MTREX: variants seen among roughly 807,000 people sequenced by gnomAD.
The protein encoded by MTREX is Mtr4 exosome RNA helicase.
MTREX carries 76 observed loss-of-function variants against 135.4 expected under a neutral mutation model. The ratio of observed to expected loss-of-function variants is 0.56; its 90% CI spans 0.47 to 0.68. The LOEUF (loss-of-function observed/expected upper bound fraction) is 0.68. Ranked by LOEUF, MTREX falls within the 30% of genes least tolerant of loss-of-function variation. The pLI is 0.00. For synonymous variants in MTREX, 404 were observed against 401.6 expected (o/e 1.01, Z -0.07); for missense variants, 920 against 1,262.1 (o/e 0.73, Z 4.11).
At chr5:55,409,026 A>G (rs1258669144) in intron 22 of MTREX, among the ~76,000 whole-genome samples, 2 of 152,056 alleles carry the variant, frequency 1.3e-5, no homozygotes, top group Non-Finnish European at 1.5e-5. Context: ...ATCATGGCTC[A>G]GTGCAGTCTT....
At chr5:55,328,945 T>A in intron 5 of MTREX, 134 bp downstream of exon 5, 1 of 537,348 alleles carries the variant, frequency 1.9e-6, no homozygotes, top group Non-Finnish European at 3.3e-6. Flanking sequence ...CATGTCTTAT[T>A]GAACCTCTAA....
intron 18 of MTREX, among the ~76,000 whole-genome samples, chr5:55,383,906 A>T (rs1750437170): frequency 6.6e-6 from 1 of 152,130 alleles, no homozygotes; most frequent in Admixed American, 6.5e-5. Flanking sequence ...AGTAGCTGGG[A>T]CTACAGGTGT....
At chr5:55,414,299 A>C in intron 24 of MTREX, 61 bp downstream of exon 24, 2 of 1,290,216 alleles carry the variant, frequency 1.6e-6, no homozygotes. Flanking sequence ...TTGTAAAATA[A>C]ACATTTTTGA....
At chr5:55,420,321 C>T (rs1352835708) in intron 25 of MTREX, among the ~76,000 whole-genome samples, 4 of 152,302 alleles carry the variant, frequency 2.6e-5, no homozygotes, top group Admixed American at 2.6e-4. Context: ...CTGCTGCTTT[C>T]TCTCCTTAAT....
intron 20 of MTREX, among the ~76,000 whole-genome samples, 160 bp downstream of exon 20, chr5:55,397,686 G>C (rs1329256547): frequency 6.6e-6 from 1 of 152,132 alleles, no homozygotes; most frequent in Non-Finnish European, 1.5e-5. Context: ...AAAGGCAGCA[G>C]ACCTTCATGT....
intron 20 of MTREX, 67 bp from the exon 21 acceptor site, chr5:55,400,166 A>T: frequency 8.3e-7 from 1 of 1,211,456 alleles, no homozygotes; most frequent in Non-Finnish European, 1.1e-6. Flanking sequence ...AAAGGGAAAC[A>T]CTGATTTGGT....
In MTREX at chr5:55,425,224, C is replaced by G; in HGVS notation, c.*452C>G. ...CTGCCTTTCAAGGCTGGTGATTGCT[C>G]GGATAGTGATTCCCAGTTGTTGGTG... On this transcript the variant is annotated 3_prime_UTR_variant, in exon 27 of 27. Coordinates refer to ENST00000230640, the MANE Select transcript of MTREX (RefSeq NM_015360.5). 1.2e-6 allele frequency: 2 copies of G among 1,613,592 alleles called. No homozygotes were observed. The highest frequency in any genetic ancestry group is 1.7e-6 in the Non-Finnish European group (2 of 1,179,838).
At chr5:55,403,631 A>G (rs888495206) in intron 21 of MTREX, among the ~76,000 whole-genome samples, 10 of 152,238 alleles carry the variant, frequency 6.6e-5, no homozygotes, top group Non-Finnish European at 1.2e-4. Flanking sequence ...AGGCATCCTC[A>G]GTCACTTCAG....
In MTREX at chr5:55,425,335, C is replaced by T; in HGVS notation, c.*563C>T. ...TGAAGAAATCCGATACATATACAGC[C>T]TACAGTGCAAAATATTTAATGGTAT... On this transcript the variant is annotated 3_prime_UTR_variant, in exon 27 of 27. Transcript: ENST00000230640. 2 of 1,593,576 alleles carry T rather than the reference C, an allele frequency of 1.3e-6. No homozygotes were observed. Among genetic ancestry groups the T allele is most frequent in the Non-Finnish European group, 1.7e-6 (2 of 1,165,796 alleles).
intron 16 of MTREX, among the ~76,000 whole-genome samples, chr5:55,375,696 A>G (rs529535634): frequency 4.1e-4 from 63 of 152,308 alleles, no homozygotes; most frequent in African/African-American, 1.5e-3. Flanking sequence ...AAAGACAGGC[A>G]TAGGAAATCA....
intron 16 of MTREX, among the ~76,000 whole-genome samples, chr5:55,372,906 G>A (rs1750228123): frequency 1.3e-5 from 2 of 149,454 alleles, no homozygotes; most frequent in Admixed American, 6.7e-5. Context: ...GTGTGTGTGT[G>A]TGTGTGTGTG....
At chr5:55,356,590 C>T in intron 14 of MTREX, 1 of 189,666 alleles carries the variant, frequency 5.3e-6, no homozygotes, top group Admixed American at 5.0e-5. Flanking sequence ...TCAGTGAAAT[C>T]CTTAGCCAGG....
In MTREX at chr5:55,400,426, G is replaced by A; in HGVS notation, c.2481+5G>A. 6.4e-7 allele frequency: 1 copy of A among 1,560,180 alleles called. No individual in the cohort carries two copies. Among genetic ancestry groups the A allele is most frequent in the Non-Finnish European group, 8.7e-7 (1 of 1,150,124 alleles). ...CTTTGTGAAAAAAAAGCACAGGTAT[G>A]GCAGAAATTTGGTTTTTATAGTAGA... is the stretch of plus-strand genomic sequence containing the variant. On this transcript the variant is annotated splice_donor_5th_base_variant and intron_variant, in intron 21 of 26. Coordinates refer to ENST00000230640, the MANE Select transcript of MTREX (RefSeq NM_015360.5).
chr5:55,414,348 CCT>C (rs1002467523), intron 24 of MTREX, 110 bp downstream of exon 24: 7 of 846,658 alleles, frequency 8.3e-6, no homozygotes, highest in Non-Finnish European at 1.2e-5. Context: ...ACAGAGATAA[CCT>C]ATAAGGATTA....
At chr5:55,404,761 C>T (rs530697400) in intron 21 of MTREX, among the ~76,000 whole-genome samples, 5 of 151,946 alleles carry the variant, frequency 3.3e-5, no homozygotes, top group Admixed American at 1.3e-4. Flanking sequence ...TTCCTCCTTA[C>T]CTCTCTCCAT....
chr5:55,349,572 G>A lies in MTREX; in HGVS notation c.1241-1G>A. 6.5e-7 allele frequency: 1 copy of A among 1,544,042 alleles called. No individual in the cohort carries two copies. The highest frequency in any genetic ancestry group is 8.9e-7 in the Non-Finnish European group (1 of 1,118,136). ...TTCTGTACCCTTGAATTTTCTCCTAGATGAAGAAAAGAAGATGGTTGAAGA... is the reference window on the plus strand; with the variant it reads ...TTCTGTACCCTTGAATTTTCTCCTAAATGAAGAAAAGAAGATGGTTGAAGA... On this transcript the variant is annotated splice_acceptor_variant, in intron 11 of 26. Coordinates refer to ENST00000230640, the MANE Select transcript of MTREX (RefSeq NM_015360.5). LOFTEE classifies it high-confidence loss of function.
intron 20 of MTREX, among the ~76,000 whole-genome samples, chr5:55,399,490 ATTTTTTT>A (rs1750690386): frequency 6.6e-6 from 1 of 151,760 alleles, no homozygotes; most frequent in Non-Finnish European, 1.5e-5. Context: ...TTTATTTTTT[ATTTTTTT>A]ATTTTTTTGA....
chr5:55,384,917 G>A (rs981670577), intron 18 of MTREX, among the ~76,000 whole-genome samples: 7 of 152,072 alleles, frequency 4.6e-5, no homozygotes, highest in African/African-American at 1.7e-4. Context: ...TTAAAACCAG[G>A]TTCTCTTCTG....
chr5:55,352,254 G>A (rs1158529543), intron 13 of MTREX, among the ~76,000 whole-genome samples: 1 of 152,052 alleles, frequency 6.6e-6, no homozygotes, highest in Non-Finnish European at 1.5e-5. Flanking sequence ...TCAGCACTAA[G>A]TAAAATATTT....
Sources: gnomAD v4.1 joint callset for allele counts (sites outside exome capture counted in the v4.1 genomes callset) on GRCh38, gnomAD v4.1.1 for gene constraint, MANE v1.5 for transcripts, NCBI Gene and HGNC (gene_info 2026-07-23, HGNC 2026-07-21) for gene names.